ZNF251: variants seen among roughly 807,000 people sequenced by gnomAD.
ZNF251 encodes the protein zinc finger protein 251.
Under a neutral mutation model 13.5 loss-of-function variants are expected in ZNF251, and 14 were observed. The observed-to-expected ratio is 1.04, with a 90% CI of 0.69 to 1.63. The LOEUF (loss-of-function observed/expected upper bound fraction) is 1.63, where lower values mean the gene tolerates loss of function less well. Ranked by LOEUF, ZNF251 falls within the 40% of genes most tolerant of loss-of-function variation. ZNF251 has a pLI of 0.00. For missense variants in ZNF251, 764 were observed against 834.9 expected, an observed-to-expected ratio of 0.92 and a Z score of 1.05; for synonymous variants, 287 against 295.2, an observed-to-expected ratio of 0.97 and a Z score of 0.28.
intron 4 of ZNF251, among the ~76,000 whole-genome samples, chr8:144,744,465 C>T (rs548979396): frequency 6.6e-6 from 1 of 152,050 alleles, no homozygotes; most frequent in Non-Finnish European, 1.5e-5. Flanking sequence ...GATGTATGAT[C>T]CATTTTGCCA....
At chr8:144,749,401 C>T (rs1824584441) in intron 4 of ZNF251, among the ~76,000 whole-genome samples, 1 of 152,136 alleles carries the variant, frequency 6.6e-6, no homozygotes, top group Non-Finnish European at 1.5e-5. Context: ...GGGAGGATCA[C>T]TCGAGCCTGG....
chr8:144,752,135 CA>C (rs745386892), intron 4 of ZNF251, among the ~76,000 whole-genome samples: 3,443 of 86,158 alleles, frequency 0.04, 62 homozygotes, highest in African/African-American at 0.053. Context: ...ATAACTAGAC[CA>C]AAAAAAAAAA....
intron 2 of ZNF251, 28 bp downstream of exon 2, chr8:144,754,668 A>T: frequency 6.3e-7 from 1 of 1,594,552 alleles, no homozygotes; most frequent in Non-Finnish European, 8.5e-7. Flanking sequence ...GAAGATGAAG[A>T]GGTGGGCAGG....
rs1049380655 is a variant in ZNF251 at position 144,734,747 on chromosome 8, T to C, written c.278-11365A>G. Among the ~76,000 whole-genome samples, 6 of 152,250 alleles carry C rather than the reference T, an allele frequency of 3.9e-5. No individual in the cohort carries two copies. The highest frequency in any genetic ancestry group is 1.2e-4 in the African/African-American group (5 of 41,560). On this transcript the variant is annotated intron_variant, in intron 4 of 4. Transcript: ENST00000292562. The surrounding 1 kb of genome is among the most constrained non-coding windows in gnomAD (Gnocchi z 4.4). ...GGCGAATTAGAACTGGAGACCAAAA[T>C]TCCTCTGTGGTAGAAAATTCAAATT...
chr8:144,737,576 C>T (rs1173383146), intron 4 of ZNF251, among the ~76,000 whole-genome samples: 1 of 151,854 alleles, frequency 6.6e-6, no homozygotes, highest in Non-Finnish European at 1.5e-5. Context: ...CACCTGTAAT[C>T]CCAGCACTTT....
chr8:144,753,920 G>T, intron 3 of ZNF251, 124 bp from the exon 4 acceptor site: 1 of 806,856 alleles, frequency 1.2e-6, no homozygotes, highest in Non-Finnish European at 1.9e-6. Flanking sequence ...GGGGCCCGTG[G>T]GCTGAGACTA....
chr8:144,746,767 T>G (rs201381240), intron 4 of ZNF251, among the ~76,000 whole-genome samples: 1 of 129,672 alleles, frequency 7.7e-6, no homozygotes, highest in East Asian at 4.9e-4. Context: ...GTTGTTCATC[T>G]TTTTTTTTTT....
intron 4 of ZNF251, among the ~76,000 whole-genome samples, chr8:144,731,074 G>A (rs943390590): frequency 2.6e-5 from 4 of 152,132 alleles, no homozygotes; most frequent in Non-Finnish European, 4.4e-5. Context: ...TGGCTCCCCC[G>A]GAGGACCGAG....
At chr8:144,724,317 T>C (rs922335080) in intron 4 of ZNF251, among the ~76,000 whole-genome samples, 21 of 150,750 alleles carry the variant, frequency 1.4e-4, no homozygotes, top group African/African-American at 4.9e-4. Context: ...CCGTGTACTG[T>C]TGGTGGGACT....
intron 4 of ZNF251, among the ~76,000 whole-genome samples, chr8:144,745,089 C>T (rs1040711015): frequency 2.6e-5 from 4 of 150,984 alleles, no homozygotes; most frequent in Admixed American, 6.6e-5. Context: ...GGAAGGGGAG[C>T]GGAGGAAAGT....
intron 4 of ZNF251, among the ~76,000 whole-genome samples, chr8:144,739,590 G>C (rs908020934): frequency 3.3e-5 from 5 of 152,160 alleles, no homozygotes; most frequent in African/African-American, 1.2e-4. Flanking sequence ...CCAAAGTGCC[G>C]GAATTACAGG....
chr8:144,742,571 G>A (rs1405224406), intron 4 of ZNF251, among the ~76,000 whole-genome samples: 2 of 149,624 alleles, frequency 1.3e-5, no homozygotes, highest in Non-Finnish European at 2.9e-5. Flanking sequence ...TAAAATCTCA[G>A]TTTAGGGCTC....
rs1455733881 is a variant in ZNF251 at position 144,734,673 on chromosome 8, C to A, written c.278-11291G>T. Reference sequence around the variant, plus strand: ...AAAGGTAGGGACACACAGAGGTCACCCTCAGATTCTTCTGGTAATAATCTC... The same window carrying A: ...AAAGGTAGGGACACACAGAGGTCACACTCAGATTCTTCTGGTAATAATCTC... On this transcript the variant is annotated intron_variant, in intron 4 of 4. Coordinates refer to ENST00000292562, the MANE Select transcript of ZNF251 (RefSeq NM_138367.2). The surrounding 1 kb of genome is among the most constrained non-coding windows in gnomAD (Gnocchi z 4.4). Among the ~76,000 whole-genome samples, 1 of 152,160 alleles carries A rather than the reference C, an allele frequency of 6.6e-6. No homozygotes were observed. Among genetic ancestry groups the A allele is most frequent in the African/African-American group, 2.4e-5 (1 of 41,434 alleles).
intron 4 of ZNF251, among the ~76,000 whole-genome samples, chr8:144,726,363 G>A (rs774749199): frequency 4.4e-4 from 66 of 151,438 alleles, no homozygotes; most frequent in Middle Eastern, 3.4e-3. Flanking sequence ...GCAAAACCCC[G>A]TCTCTACTAA....
chr8:144,738,510 C>T, intron 4 of ZNF251: 1 of 976,608 alleles, frequency 1.0e-6, no homozygotes, highest in Non-Finnish European at 1.2e-6. Context: ...ACAGGGTCTT[C>T]CCAAACTCCA....
chr8:144,744,802 TC>T (rs1824340894), intron 4 of ZNF251, among the ~76,000 whole-genome samples: 1 of 152,088 alleles, frequency 6.6e-6, no homozygotes. Context: ...ATGTCTGTAA[TC>T]CCAGCACTTT....
intron 4 of ZNF251, among the ~76,000 whole-genome samples, chr8:144,747,559 A>C (rs1230323041): frequency 6.6e-6 from 1 of 152,254 alleles, no homozygotes; most frequent in Non-Finnish European, 1.5e-5. Flanking sequence ...AACTGCAGAC[A>C]GTGAACTCAT....
chr8:144,754,252 G>A lies in ZNF251; in HGVS notation c.103C>T (p.Gln35Ter). 6 of 1,613,870 alleles carry A rather than the reference G, an allele frequency of 3.7e-6. No individual in the cohort carries two copies. Among genetic ancestry groups the A allele is most frequent in the Non-Finnish European group, 5.1e-6 (6 of 1,179,904 alleles). ...ACATCCCGGTAGAGCGCCCGCTGCT[G>A]GGGGCCCAGCTGCCGCCCCTCCGCC... Reference protein sequence around the residue: ...SQAEGRQLGPQQRALYRDVML... With the variant: ...SQAEGRQLGP The change falls in exon 3 of 5, where the codon CAG (glutamine) becomes TAG (stop). Residue 35 changes from glutamine to a stop codon, truncating the protein, a stop_gained. Transcript: ENST00000292562. LOFTEE classifies it high-confidence loss of function.
intron 4 of ZNF251, among the ~76,000 whole-genome samples, chr8:144,736,463 A>G (rs917187456): frequency 1.0e-4 from 12 of 119,394 alleles, no homozygotes; most frequent in Admixed American, 3.5e-4. Context: ...TATTTTATTT[A>G]TTTATTTATT....
Sources: gnomAD v4.1 joint callset for allele counts (sites outside exome capture counted in the v4.1 genomes callset) on GRCh38, gnomAD v4.1.1 for gene constraint, Gnocchi (gnomAD v3.1) non-coding constraint, MANE v1.5 for transcripts, NCBI Gene and HGNC (gene_info 2026-07-23, HGNC 2026-07-21) for gene names.